DIAPH3: variants seen among roughly 807,000 people sequenced by gnomAD.
DIAPH3 encodes diaphanous related formin 3, also known as protein diaphanous homolog 3.
A neutral mutation model predicts 144.3 loss-of-function variants in DIAPH3; 117 were observed. That is an observed-to-expected ratio of 0.81 (90% CI 0.70 to 0.95). The LOEUF is 0.95. DIAPH3 is among the 40% of genes least tolerant of loss of function. The pLI, the probability that DIAPH3 is intolerant of heterozygous loss-of-function variation, is 0.00. For missense variants in DIAPH3, 1,421 were observed against 1,412.7 expected (o/e 1.01, Z -0.09); for synonymous variants, 519 against 488.9 (o/e 1.06, Z -0.81).
In DIAPH3 at chr13:60,112,079, T is replaced by C; in HGVS notation, c.321A>G (p.Leu107=). The change falls in exon 3 of 28, where the codon TTA becomes TTG. Residue 107 remains leucine (L), a synonymous_variant. Coordinates refer to ENST00000400324, the MANE Select transcript of DIAPH3 (RefSeq NM_001042517.2). ...FASSDCSAAP[L]EMMENFPKPL... ...GCTTTGGAAAGTTCTCCATCATCTC[T>C]AAAGGTGCTGCTGAGCAATCACTGC... The C allele has an allele frequency of 6.2e-7, 1 of 1,614,142 alleles. No individual in the cohort carries two copies. Among genetic ancestry groups the C allele is most frequent in the African/African-American group, 1.3e-5 (1 of 75,064 alleles).
At chr13:60,052,959 T>TAAAAAAAAAAAAAAAAAAAAAAAA (rs559991017) in intron 4 of DIAPH3, among the ~76,000 whole-genome samples, 23 of 40,640 alleles carry the variant, frequency 5.7e-4, no homozygotes, top group African/African-American at 1.2e-3. Flanking sequence ...GACTCCCTCT[T>TAAAAAAAAAAAAAAAAAAAAAAAA]AAAAAAAAAA....
chr13:59,881,694 G>A (rs2045059059), intron 20 of DIAPH3, among the ~76,000 whole-genome samples: 1 of 152,016 alleles, frequency 6.6e-6, no homozygotes, highest in Admixed American at 6.5e-5. Flanking sequence ...CAGGTACCTT[G>A]AAAAGATAGA....
intron 27 of DIAPH3, among the ~76,000 whole-genome samples, chr13:59,770,318 A>G (rs2038060724): frequency 6.6e-6 from 1 of 152,160 alleles, no homozygotes; most frequent in Non-Finnish European, 1.5e-5. Context: ...ATGTCTGTTC[A>G]TTCAACACAT....
chr13:59,874,718 A>G (rs973449270), intron 21 of DIAPH3, among the ~76,000 whole-genome samples: 16 of 152,206 alleles, frequency 1.1e-4, no homozygotes, highest in Admixed American at 2.0e-4. Context: ...TTTCCCAAAG[A>G]ATAACAGCAT....
At chr13:60,151,702 A>G (rs1211689449) in intron 1 of DIAPH3, among the ~76,000 whole-genome samples, 1 of 152,198 alleles carries the variant, frequency 6.6e-6, no homozygotes. Context: ...TTACAAACAC[A>G]TGTATAAAGT....
At chr13:59,994,132 G>GA (rs1189721448) in intron 9 of DIAPH3, among the ~76,000 whole-genome samples, 7 of 151,390 alleles carry the variant, frequency 4.6e-5, no homozygotes, top group African/African-American at 1.4e-4. Context: ...CTCCATAGAA[G>GA]AAAAAAAATA....
chr13:59,980,026 G>A (rs1348545826), intron 14 of DIAPH3, among the ~76,000 whole-genome samples: 1 of 151,634 alleles, frequency 6.6e-6, no homozygotes. Flanking sequence ...TTGGAACGCT[G>A]AGCATGTGGA....
intron 25 of DIAPH3, among the ~76,000 whole-genome samples, chr13:59,790,650 A>G (rs1427884153): frequency 6.6e-6 from 1 of 150,894 alleles, no homozygotes; most frequent in African/African-American, 2.4e-5. Context: ...TAACAGCAAC[A>G]TTGTTTTGAA....
At chr13:59,778,143 A>T (rs1259314062) in intron 25 of DIAPH3, among the ~76,000 whole-genome samples, 2 of 152,190 alleles carry the variant, frequency 1.3e-5, no homozygotes, top group Non-Finnish European at 2.9e-5. Context: ...TTATATCTAC[A>T]CAGAACATCT....
At chr13:59,987,336 G>A (rs1163076938) in intron 12 of DIAPH3, among the ~76,000 whole-genome samples, 1 of 150,310 alleles carries the variant, frequency 6.7e-6, no homozygotes, top group Non-Finnish European at 1.5e-5. Flanking sequence ...GGGGTGGGGG[G>A]AGTGGGGAGG....
intron 8 of DIAPH3, among the ~76,000 whole-genome samples, chr13:60,009,382 A>C (rs959101797): frequency 6.6e-6 from 1 of 152,090 alleles, no homozygotes; most frequent in Non-Finnish European, 1.5e-5. Flanking sequence ...AGAATAGGGA[A>C]GGGAAAAGAA....
chr13:59,918,194 G>A (rs532898761), intron 18 of DIAPH3, among the ~76,000 whole-genome samples: 152 of 140,894 alleles, frequency 1.1e-3, no homozygotes, highest in African/African-American at 3.9e-3. Flanking sequence ...ATCCACCAAC[G>A]TCAGGCAGCA....
intron 27 of DIAPH3, among the ~76,000 whole-genome samples, chr13:59,714,676 A>C (rs1194284614): frequency 1.3e-5 from 2 of 152,008 alleles, no homozygotes; most frequent in African/African-American, 2.4e-5. Flanking sequence ...TCTTCCATCC[A>C]TCCTGTCTAT....
intron 22 of DIAPH3, among the ~76,000 whole-genome samples, chr13:59,857,892 AG>A (rs1369524116): frequency 6.6e-6 from 1 of 152,206 alleles, no homozygotes; most frequent in African/African-American, 2.4e-5. Context: ...AAGGCTATAT[AG>A]AGATATGACA....
intron 21 of DIAPH3, among the ~76,000 whole-genome samples, chr13:59,865,434 T>C (rs2139961983): frequency 6.6e-6 from 1 of 152,180 alleles, no homozygotes; most frequent in East Asian, 1.9e-4. Context: ...ATATTTGCTT[T>C]AAAAATATCT....
intron 1 of DIAPH3, among the ~76,000 whole-genome samples, chr13:60,133,724 CA>C (rs1434650346): frequency 3.3e-5 from 5 of 152,012 alleles, no homozygotes; most frequent in Admixed American, 2.0e-4. Context: ...AGAGAAAAAA[CA>C]CAGAAATCTA....
chr13:59,867,970 C>T (rs1473060416), intron 21 of DIAPH3, among the ~76,000 whole-genome samples: 1 of 152,044 alleles, frequency 6.6e-6, no homozygotes, highest in Non-Finnish European at 1.5e-5. Flanking sequence ...ATACAAGATA[C>T]TGCTTCAGCA....
At chr13:60,110,015 T>C (rs1357637111) in intron 3 of DIAPH3, among the ~76,000 whole-genome samples, 3 of 152,166 alleles carry the variant, frequency 2.0e-5, no homozygotes, top group South Asian at 2.1e-4. Context: ...AACTAGACTA[T>C]TACCCAGAGA....
chr13:59,762,052 C>A (rs1224036105), intron 27 of DIAPH3, among the ~76,000 whole-genome samples: 2 of 59,520 alleles, frequency 3.4e-5, no homozygotes, highest in Admixed American at 2.5e-4. Context: ...GCGTCAGCAT[C>A]TTTTTTTTTT....
Sources: gnomAD v4.1 joint callset for allele counts (sites outside exome capture counted in the v4.1 genomes callset) on GRCh38, gnomAD v4.1.1 for gene constraint, MANE v1.5 for transcripts, NCBI Gene and HGNC (gene_info 2026-07-23, HGNC 2026-07-21) for gene names.